ST8SIA5: variants seen among roughly 807,000 people sequenced by gnomAD.
ST8SIA5 encodes the protein alpha-2,8-sialyltransferase 8E.
In ST8SIA5, 24 loss-of-function variants were observed where a neutral mutation model predicts 40.2. That is an observed-to-expected ratio of 0.60 (90% CI 0.43 to 0.84). The LOEUF is 0.84. ST8SIA5 is among the 40% of genes least tolerant of loss of function. The pLI, the probability that ST8SIA5 is intolerant of heterozygous loss-of-function variation, is 0.00. For missense variants in ST8SIA5, 465 were observed against 498.5 expected, an observed-to-expected ratio of 0.93 and a Z score of 0.64; for synonymous variants, 198 against 201.8, an observed-to-expected ratio of 0.98 and a Z score of 0.16.
At chr18:46,689,731 G>A (rs2039485385) in intron 3 of ST8SIA5, among the ~76,000 whole-genome samples, 1 of 147,962 alleles carries the variant, frequency 6.8e-6, no homozygotes, top group Admixed American at 6.8e-5. Flanking sequence ...GCACCACCAT[G>A]CCTGGCTAAT....
chr18:46,734,015 C>A (rs2040009893), intron 1 of ST8SIA5, among the ~76,000 whole-genome samples: 1 of 152,122 alleles, frequency 6.6e-6, no homozygotes, highest in African/African-American at 2.4e-5. Context: ...GCCCTTCCCC[C>A]ACCTACCTCC....
At chr18:46,714,342 T>G (rs1055909580) in intron 1 of ST8SIA5, among the ~76,000 whole-genome samples, 25 of 152,310 alleles carry the variant, frequency 1.6e-4, no homozygotes, top group African/African-American at 5.5e-4. Flanking sequence ...TTTTCTTTCC[T>G]TCTTTCCCAT....
intron 1 of ST8SIA5, among the ~76,000 whole-genome samples, chr18:46,713,982 G>C (rs929754681): frequency 6.6e-6 from 1 of 152,182 alleles, no homozygotes; most frequent in Non-Finnish European, 1.5e-5. Context: ...AAGTGTAAAG[G>C]GATGGCTGGA....
rs531161057 is a variant in ST8SIA5 at position 46,744,525 on chromosome 18, T to C, written c.131+11853A>G. 7.0e-4 allele frequency among the ~76,000 whole-genome samples: 107 copies of C among 152,120 alleles called. 1 individual carries two copies. The highest frequency in any genetic ancestry group is 8.4e-4 in the Non-Finnish European group (57 of 68,032). ...AACGAGAAGAGCTAACTATCCTAAA[T>C]AGATATGCACCCAATACAAGAGCAC... is the stretch of plus-strand genomic sequence containing the variant. On this transcript the variant is annotated intron_variant, in intron 1 of 6. Coordinates refer to ENST00000315087, the MANE Select transcript of ST8SIA5 (RefSeq NM_013305.6).
rs1456600833 is a variant in ST8SIA5, at chr18:46,725,970, AAAATATATATAT to A, written c.132-21318_132-21307del. Among the ~76,000 whole-genome samples, 5 of 31,810 alleles carry A rather than the reference AAAATATATATAT, an allele frequency of 1.6e-4. No homozygotes were observed. In the East Asian group the frequency reaches 0.013, roughly 81 times the overall value. The allele number at this position is 31,810 out of a possible 152,430, so 20.9% of individuals were successfully genotyped here. A position where few individuals can be genotyped will look rare whatever the true frequency, so the allele number is the denominator to read the frequency against. The stretch of plus-strand genomic sequence containing the variant: ...ACCCCATCTCTACTTAAAAAAAAAA[AAAATATATATAT>A]ATATATATATATATATATATATATA... On this transcript the variant is annotated intron_variant, in intron 1 of 6. Transcript: ENST00000315087.
At chr18:46,716,150 C>T (rs1345196572) in intron 1 of ST8SIA5, among the ~76,000 whole-genome samples, 7 of 137,414 alleles carry the variant, frequency 5.1e-5, no homozygotes, top group Non-Finnish European at 1.7e-5. Context: ...AGTGCTCCAG[C>T]TCCACCCACC....
chr18:46,669,607 G>A lies in ST8SIA5; in HGVS notation c.*10435C>T, dbSNP rs975643407. On this transcript the variant is annotated 3_prime_UTR_variant, in exon 7 of 7. Coordinates refer to ENST00000315087, the MANE Select transcript of ST8SIA5 (RefSeq NM_013305.6). ...GCCCCACACAATAAGGACAACACAA[G>A]CAGAATCAGAGGTGCAGAAAGAGGA... The A allele has an allele frequency of 6.6e-6, 1 of 152,134 alleles. No individual in the cohort carries two copies. The highest frequency in any genetic ancestry group is 2.1e-4 in the South Asian group (1 of 4,826). The allele number at this position is 152,134 out of a possible 1,614,324, so 9.4% of individuals were successfully genotyped here. A position where few individuals can be genotyped will look rare whatever the true frequency, so the allele number is the denominator to read the frequency against.
chr18:46,741,463 A>G (rs935841048), intron 1 of ST8SIA5, among the ~76,000 whole-genome samples: 2 of 152,208 alleles, frequency 1.3e-5, no homozygotes, highest in Admixed American at 1.3e-4. Context: ...CATTTAAAGA[A>G]TAGATGAATC....
Position 46,677,222 on chromosome 18 carries a change from T to C in ST8SIA5, c.*2820A>G, listed in dbSNP as rs1463385106. The stretch of plus-strand genomic sequence containing the variant: ...GGGGCATCTTGGTCAGGATCCCTCA[T>C]GTTCTGGTGTCACTGTCTGGGAAGC... On this transcript the variant is annotated 3_prime_UTR_variant, in exon 7 of 7. Transcript: ENST00000315087. 1 of 152,062 alleles carries C rather than the reference T, an allele frequency of 6.6e-6. No homozygotes were observed. Among genetic ancestry groups the C allele is most frequent in the Non-Finnish European group, 1.5e-5 (1 of 68,028 alleles). 9.4% of individuals were successfully genotyped at this position (152,062 alleles called of 1,614,324 possible).
At chr18:46,730,397 T>C (rs950400930) in intron 1 of ST8SIA5, 4 of 258,002 alleles carry the variant, frequency 1.6e-5, no homozygotes, top group African/African-American at 9.2e-5. Flanking sequence ...AACATGCATA[T>C]AAAGGCTTTT....
rs188023522 is a variant in ST8SIA5, at chr18:46,751,745, G to A, written c.131+4633C>T. Among the ~76,000 whole-genome samples the A allele has an allele frequency of 5.1e-4, 77 of 152,194 alleles. No homozygotes were observed. The East Asian group carries it at 9.5e-3, about 19-fold the overall frequency. On this transcript the variant is annotated intron_variant, in intron 1 of 6. Transcript: ENST00000315087. ...TAGAAAACATTAGAGTACATTTCTC[G>A]TAATAAGGCCAAGTATTGCTTCACA...
chr18:46,752,480 C>T (rs1418705104), intron 1 of ST8SIA5, among the ~76,000 whole-genome samples: 1 of 152,148 alleles, frequency 6.6e-6, no homozygotes, highest in African/African-American at 2.4e-5. Context: ...TTGTCTTTTT[C>T]TCCTCATTCA....
At chr18:46,730,541 A>T (rs1042832924) in intron 1 of ST8SIA5, among the ~76,000 whole-genome samples, 3 of 152,200 alleles carry the variant, frequency 2.0e-5, no homozygotes, top group African/African-American at 4.8e-5. Context: ...GATTTTATAC[A>T]TGCTTGCATT....
chr18:46,715,641 A>T (rs2144518904), intron 1 of ST8SIA5, among the ~76,000 whole-genome samples: 1 of 151,812 alleles, frequency 6.6e-6, no homozygotes, highest in African/African-American at 2.4e-5. Flanking sequence ...TCATAGTGGC[A>T]TGATCTCAGC....
chr18:46,755,241 G>A (rs1423438328), intron 1 of ST8SIA5, among the ~76,000 whole-genome samples: 1 of 152,188 alleles, frequency 6.6e-6, no homozygotes, highest in African/African-American at 2.4e-5. Flanking sequence ...ACCTTCGTGG[G>A]CAGCCCAGAT....
intron 3 of ST8SIA5, among the ~76,000 whole-genome samples, chr18:46,689,614 C>T (rs2037117294): frequency 6.6e-6 from 1 of 150,550 alleles, no homozygotes; most frequent in Non-Finnish European, 1.5e-5. Flanking sequence ...CACTCTGTCA[C>T]CCAGGTTGGA....
Position 46,675,541 on chromosome 18 carries a change from G to A in ST8SIA5, c.*4501C>T, listed in dbSNP as rs2039334214. On this transcript the variant is annotated 3_prime_UTR_variant, in exon 7 of 7. Transcript: ENST00000315087. The stretch of plus-strand genomic sequence containing the variant: ...GCTTCCAATGCTCCTAGGGAGGACT[G>A]GCCTGCAGGTAGAGGGGTTAAGATG... 6.6e-6 allele frequency: 1 copy of A among 152,194 alleles called. No homozygotes were observed. The highest frequency in any genetic ancestry group is 1.5e-5 in the Non-Finnish European group (1 of 68,066). 9.4% of individuals were successfully genotyped at this position (152,194 alleles called of 1,614,324 possible). A position where few individuals can be genotyped will look rare whatever the true frequency, so the allele number is the denominator to read the frequency against.
At chr18:46,691,609 C>T (rs1286759143) in intron 3 of ST8SIA5, 1 of 153,402 alleles carries the variant, frequency 6.5e-6, no homozygotes, top group Non-Finnish European at 1.5e-5. Context: ...TGCAGAGTTC[C>T]CACAGGACAA....
chr18:46,714,727 G>A (rs2039769495), intron 1 of ST8SIA5, among the ~76,000 whole-genome samples: 1 of 152,190 alleles, frequency 6.6e-6, no homozygotes, highest in Admixed American at 6.5e-5. Context: ...AGCCCTATGG[G>A]GACCTGTGAG....
Sources: gnomAD v4.1 joint callset for allele counts (sites outside exome capture counted in the v4.1 genomes callset) on GRCh38, gnomAD v4.1.1 for gene constraint, MANE v1.5 for transcripts, NCBI Gene and HGNC (gene_info 2026-07-23, HGNC 2026-07-21) for gene names.